Variants in VTI1A observed in about 807,000 individuals in gnomAD.
VTI1A encodes vesicle transport through interaction with t-SNAREs 1A, also known as vesicle transport through interaction with t-SNAREs homolog 1A.
In VTI1A, 22 loss-of-function variants were observed where a neutral mutation model predicts 34.9. That is an observed-to-expected ratio of 0.63 (90% CI 0.45 to 0.90). The LOEUF (loss-of-function observed/expected upper bound fraction) is 0.90, where lower values mean the gene tolerates loss of function less well. Among genes scored for constraint, VTI1A ranks in the 40% least tolerant of loss-of-function variants. The pLI is 0.00. For synonymous variants in VTI1A, 87 were observed against 97.3 expected, an observed-to-expected ratio of 0.89 and a Z score of 0.62; for missense variants, 268 against 275.6, an observed-to-expected ratio of 0.97 and a Z score of 0.20.
intron 5 of VTI1A, among the ~76,000 whole-genome samples, chr10:112,574,491 A>G (rs1023722184): frequency 6.6e-6 from 1 of 152,224 alleles, no homozygotes; most frequent in East Asian, 1.9e-4. Context: ...TACCCAGCAG[A>G]GGCTGGGTTT....
At chr10:112,668,317 A>G (rs1192857757) in intron 6 of VTI1A, 29 bp downstream of exon 6, 19 of 1,603,280 alleles carry the variant, frequency 1.2e-5, no homozygotes, top group East Asian at 2.2e-5. Flanking sequence ...GTTTTTTCAC[A>G]TATTCAGTAA....
the VTI1A span, among the ~76,000 whole-genome samples, chr10:112,840,406 T>C: frequency 1.3e-5 from 2 of 152,184 alleles, no homozygotes; most frequent in African/African-American, 4.8e-5. Flanking sequence ...TTCCCACTCC[T>C]CTGCCTGTCT....
At chr10:112,684,791 TG>T (rs1400544917) in intron 7 of VTI1A, among the ~76,000 whole-genome samples, 1 of 152,208 alleles carries the variant, frequency 6.6e-6, no homozygotes, top group African/African-American at 2.4e-5. Flanking sequence ...TCTCTAATCT[TG>T]AAGTCAGCTG....
At chr10:112,787,512 GA>G (rs1459920671) in intron 7 of VTI1A, among the ~76,000 whole-genome samples, 2 of 151,994 alleles carry the variant, frequency 1.3e-5, no homozygotes, top group Non-Finnish European at 2.9e-5. Flanking sequence ...TAACTAGGCA[GA>G]TAAATTTCTC....
At chr10:112,695,539 C>G (rs1483377792) in intron 7 of VTI1A, among the ~76,000 whole-genome samples, 1 of 152,206 alleles carries the variant, frequency 6.6e-6, no homozygotes, top group Non-Finnish European at 1.5e-5. Context: ...GACATTGTGA[C>G]TGTTCTCTAG....
intron 7 of VTI1A, among the ~76,000 whole-genome samples, chr10:112,782,216 G>T (rs771627067): frequency 6.6e-6 from 1 of 152,360 alleles, no homozygotes; most frequent in South Asian, 2.1e-4. Context: ...TCATCAGAGC[G>T]CTTGCTGGAC....
intron 7 of VTI1A, among the ~76,000 whole-genome samples, chr10:112,758,029 A>G (rs1851346072): frequency 6.6e-6 from 1 of 152,308 alleles, no homozygotes; most frequent in Middle Eastern, 3.4e-3. Flanking sequence ...GCATCTTTGC[A>G]TGTAAGTATT....
chr10:112,527,004 A>T, intron 3 of VTI1A, 83 bp from the exon 4 acceptor site: 1 of 1,394,190 alleles, frequency 7.2e-7, no homozygotes, highest in Non-Finnish European at 1.0e-6. Context: ...GAGGTTTGAG[A>T]TCAGCCTTGA....
intron 1 of VTI1A, among the ~76,000 whole-genome samples, chr10:112,451,275 C>G (rs1564781029): frequency 1.3e-5 from 2 of 152,096 alleles, no homozygotes; most frequent in South Asian, 4.1e-4. Context: ...ATGTAAAAAT[C>G]AGTGAAATAA....
intron 7 of VTI1A, among the ~76,000 whole-genome samples, chr10:112,785,395 A>G (rs1464711091): frequency 6.6e-6 from 1 of 152,042 alleles, no homozygotes; most frequent in Non-Finnish European, 1.5e-5. Flanking sequence ...TTATTTTTAT[A>G]CTTGTCTGTA....
chr10:112,522,954 C>A (rs1432105206), intron 3 of VTI1A, among the ~76,000 whole-genome samples: 1 of 152,014 alleles, frequency 6.6e-6, no homozygotes, highest in Non-Finnish European at 1.5e-5. Flanking sequence ...TTCTCATATA[C>A]GCTTTAGTAA....
At chr10:112,637,970 G>A (rs1195091202) in intron 5 of VTI1A, among the ~76,000 whole-genome samples, 1 of 152,236 alleles carries the variant, frequency 6.6e-6, no homozygotes, top group Non-Finnish European at 1.5e-5. Context: ...ATGCAAGCAT[G>A]TTGTTTGTTG....
intron 1 of VTI1A, among the ~76,000 whole-genome samples, chr10:112,458,958 G>A (rs186688617): frequency 5.2e-4 from 79 of 152,168 alleles, no homozygotes; most frequent in African/African-American, 8.2e-4. Context: ...GAGCCACCGC[G>A]CCCGGCCAGT....
intron 7 of VTI1A, among the ~76,000 whole-genome samples, chr10:112,789,236 A>G (rs201233844): frequency 1.3e-5 from 2 of 151,908 alleles, no homozygotes; most frequent in African/African-American, 4.8e-5. Context: ...TACTAAAAAA[A>G]ATTCTCTTAT....
At chr10:112,517,280 C>G (rs7894915) in intron 3 of VTI1A, among the ~76,000 whole-genome samples, 20,326 of 151,850 alleles carry the variant, frequency 0.13, 1,616 homozygotes, top group East Asian at 0.28. Context: ...AAAAAGGACT[C>G]AAAAGTGGCC....
intron 3 of VTI1A, among the ~76,000 whole-genome samples, chr10:112,522,933 T>C (rs1011563221): frequency 6.6e-6 from 1 of 152,100 alleles, no homozygotes; most frequent in Admixed American, 6.6e-5. Flanking sequence ...GTGCACGCCA[T>C]GGAAATTAAA....
intron 7 of VTI1A, among the ~76,000 whole-genome samples, chr10:112,773,703 G>A (rs924799342): frequency 8.5e-5 from 13 of 152,246 alleles, no homozygotes; most frequent in Middle Eastern, 3.4e-3. Context: ...CTGCCCATCC[G>A]GTGCATCCTA....
chr10:112,593,597 A>G (rs543258834), intron 5 of VTI1A, among the ~76,000 whole-genome samples: 30 of 152,332 alleles, frequency 2.0e-4, no homozygotes, highest in Middle Eastern at 3.4e-3. Flanking sequence ...AGCACACAGA[A>G]AAAAATCAAA....
At chr10:112,685,828 T>C (rs1387576495) in intron 7 of VTI1A, among the ~76,000 whole-genome samples, 1 of 152,168 alleles carries the variant, frequency 6.6e-6, no homozygotes, top group Non-Finnish European at 1.5e-5. Context: ...ACTGTCTTTA[T>C]TGGAAAGAAA....
Sources: gnomAD v4.1 joint callset for allele counts (sites outside exome capture counted in the v4.1 genomes callset) on GRCh38, gnomAD v4.1.1 for gene constraint, MANE v1.5 for transcripts, NCBI Gene and HGNC (gene_info 2026-07-23, HGNC 2026-07-21) for gene names.